The following METTL21C variants were observed in gnomAD, a reference collection of about 807,000 sequenced individuals.
METTL21C encodes the protein protein-lysine methyltransferase METTL21C.
Under a neutral mutation model 25.9 loss-of-function variants are expected in METTL21C, and 21 were observed. The ratio of observed to expected loss-of-function variants is 0.81; its 90% CI spans 0.58 to 1.17. The LOEUF (loss-of-function observed/expected upper bound fraction) is 1.17, where lower values mean the gene tolerates loss of function less well. METTL21C is among the 50% of genes most tolerant of loss of function. The pLI is 0.00. For missense variants in METTL21C, 312 were observed against 315.1 expected (o/e 0.99, Z 0.07); for synonymous variants, 125 against 124.7 (o/e 1.00, Z -0.01).
the METTL21C span, among the ~76,000 whole-genome samples, chr13:102,702,819 G>A: frequency 2.6e-5 from 4 of 152,092 alleles, no homozygotes; most frequent in East Asian, 1.9e-4. Context: ...TCGAACTCCT[G>A]ACCTCAGGTG....
intron 1 of METTL21C, among the ~76,000 whole-genome samples, chr13:102,693,759 T>G (rs1284187326): frequency 1.3e-5 from 2 of 152,244 alleles, no homozygotes; most frequent in Non-Finnish European, 1.5e-5. Flanking sequence ...AGATCAGATT[T>G]TCAGATAAGG....
rs537546333 is a variant in METTL21C at position 102,688,317 on chromosome 13, A to G, written c.283-1260T>C. ...GTTCATATTGAACTGCCACGGGCAA[A>G]GATGAATATGACGCAGTCACCTCTA... On this transcript the variant is annotated intron_variant, in intron 2 of 3. Coordinates refer to ENST00000267273, the MANE Select transcript of METTL21C (RefSeq NM_001010977.3). 3.9e-5 allele frequency among the ~76,000 whole-genome samples: 6 copies of G among 152,340 alleles called. No individual in the cohort carries two copies. In the South Asian group the frequency reaches 1.0e-3, roughly 26 times the overall value.
intron 2 of METTL21C, among the ~76,000 whole-genome samples, chr13:102,688,699 A>G (rs1320707294): frequency 6.6e-6 from 1 of 152,148 alleles, no homozygotes; most frequent in Non-Finnish European, 1.5e-5. Flanking sequence ...CAATGTCAGG[A>G]AAAGAGTGTC....
rs759769473 is a variant in METTL21C at position 102,686,978 on chromosome 13, G to T, written c.362C>A (p.Ala121Asp). The T allele has an allele frequency of 6.2e-7, 1 of 1,614,100 alleles. No homozygotes were observed. Among genetic ancestry groups the T allele is most frequent in the East Asian group, 2.2e-5 (1 of 44,882 alleles). Reference sequence around the variant, plus strand: ...CACAATGGAAACAAGGCCTGGTCCGGCACCAATTTCAAGTATTTTTGCATC... The same window carrying T: ...CACAATGGAAACAAGGCCTGGTCCGTCACCAATTTCAAGTATTTTTGCATC... ...FQDAKILEIG[A>D]GPGLVSIVAS... The change falls in exon 3 of 4, where the codon GCC becomes GAC. Residue 121 changes from alanine to aspartate, a missense_variant. Physicochemically the swap from Ala to Asp is moderately radical, Grantham distance 126. Coordinates refer to ENST00000267273, the MANE Select transcript of METTL21C (RefSeq NM_001010977.3).
upstream of METTL21C, among the ~76,000 whole-genome samples, chr13:102,696,634 G>A (rs931921262): frequency 9.2e-5 from 14 of 152,048 alleles, no homozygotes; most frequent in Non-Finnish European, 2.1e-4. Context: ...GCTAGACCAC[G>A]GTAGATCAAA....
Position 102,685,911 on chromosome 13 carries a change from G to A in METTL21C, c.*120C>T. On this transcript the variant is annotated 3_prime_UTR_variant, in exon 4 of 4. Coordinates refer to ENST00000267273, the MANE Select transcript of METTL21C (RefSeq NM_001010977.3). ...TGCAGTATTGTTACATTTGTTCCAA[G>A]TATACAAGTTGTTTCTATGCACTAC... is the stretch of plus-strand genomic sequence containing the variant. 1 of 922,934 alleles carries A rather than the reference G, an allele frequency of 1.1e-6. No homozygotes were observed. The allele number at this position is 922,934 out of a possible 1,614,324, so 57.2% of individuals were successfully genotyped here. A position where few individuals can be genotyped will look rare whatever the true frequency, so the allele number is the denominator to read the frequency against.
At chr13:102,687,558 A>G (rs1418784782) in intron 2 of METTL21C, among the ~76,000 whole-genome samples, 3 of 152,230 alleles carry the variant, frequency 2.0e-5, no homozygotes, top group Non-Finnish European at 4.4e-5. Context: ...TGCCGTATTG[A>G]GCGACGGGTT....
At position 102,686,241 on chromosome 13, in the gene METTL21C, C is replaced by T; in HGVS notation, c.585G>A (p.Val195=). The T allele has an allele frequency of 6.8e-6, 11 of 1,614,164 alleles. No homozygotes were observed. Among genetic ancestry groups the T allele is most frequent in the Non-Finnish European group, 9.3e-6 (11 of 1,180,028 alleles). Residue 195 remains valine, a synonymous_variant, in exon 4 of 4, where the codon GTG becomes GTA. Transcript: ENST00000267273. ...FYYDYVLASD[V]VYHHYFLDKL... ...TGTCCAGGAAGTAGTGATGGTAGAC[C>T]ACATCTGAGGCTAGGACGTAATCAT... is the stretch of plus-strand genomic sequence containing the variant.
the METTL21C span, among the ~76,000 whole-genome samples, chr13:102,700,495 G>A: frequency 1.3e-5 from 2 of 152,152 alleles, no homozygotes; most frequent in Non-Finnish European, 2.9e-5. Flanking sequence ...CAGGTTTCAT[G>A]TTATCAAAAT....
intron 2 of METTL21C, among the ~76,000 whole-genome samples, chr13:102,689,092 T>A (rs146420051): frequency 0.016 from 2,321 of 146,638 alleles, 21 homozygotes; most frequent in Non-Finnish European, 0.024. Context: ...ATCTTTTTTT[T>A]AAAATTATTA....
At chr13:102,696,889 A>C (rs536021878), upstream of METTL21C, among the ~76,000 whole-genome samples, 1 of 152,052 alleles carries the variant, frequency 6.6e-6, no homozygotes, top group East Asian at 1.9e-4. Flanking sequence ...CCACGGGAAG[A>C]CTCCAAAGGT....
In METTL21C at chr13:102,686,303, C is replaced by T. The variant is rs746760907; in HGVS notation, c.523G>A (p.Asp175Asn). The change falls in exon 4 of 4, where the codon GAC becomes AAC. Residue 175 changes from aspartate to asparagine, a missense_variant. By Grantham distance (23) the Asp-to-Asn change is conservative (BLOSUM62 1). Coordinates refer to ENST00000267273, the MANE Select transcript of METTL21C (RefSeq NM_001010977.3). ...PEVKELVWGE[D>N]LDKNFPKSAF... is the part of the protein sequence containing the mutation. ...GACTTGGGAAAGTTTTTGTCCAGGTCTTCCCCCCATACCAGTTCTTTCACT... is the reference window on the plus strand; with the variant it reads ...GACTTGGGAAAGTTTTTGTCCAGGTTTTCCCCCCATACCAGTTCTTTCACT... 6.2e-7 allele frequency: 1 copy of T among 1,614,230 alleles called. No homozygotes were observed. Among genetic ancestry groups the T allele is most frequent in the Non-Finnish European group, 8.5e-7 (1 of 1,180,036 alleles).
chr13:102,694,540 T>A lies in METTL21C; in HGVS notation c.-42A>T. On this transcript the variant is annotated 5_prime_UTR_variant, in exon 1 of 4. Coordinates refer to ENST00000267273, the MANE Select transcript of METTL21C (RefSeq NM_001010977.3). Reference sequence around the variant, plus strand: ...GACAGCTGTGCATTGAAAAGCAATCTACAAAAGAACGACTATAATCTACTG... The same window carrying A: ...GACAGCTGTGCATTGAAAAGCAATCAACAAAAGAACGACTATAATCTACTG... 1.2e-5 allele frequency: 1 copy of A among 80,958 alleles called. No individual in the cohort carries two copies. Among genetic ancestry groups the A allele is most frequent in the Non-Finnish European group, 1.4e-5 (1 of 71,750 alleles). The allele number at this position is 80,958 out of a possible 1,614,324, so 5.0% of individuals were successfully genotyped here.
At chr13:102,694,289 GT>G in intron 1 of METTL21C, 79 bp downstream of exon 1, 2 of 1,473,176 alleles carry the variant, frequency 1.4e-6, no homozygotes, top group Non-Finnish European at 9.3e-7. Flanking sequence ...GGAAATTCTT[GT>G]CACTGAAATT....
chr13:102,700,325 T>C, the METTL21C span, among the ~76,000 whole-genome samples: 22 of 152,312 alleles, frequency 1.4e-4, no homozygotes, highest in Admixed American at 1.2e-3. Context: ...GATAGACTTA[T>C]ATGCACTTTG....
Position 102,694,874 on chromosome 13 carries a change from T to TCC in METTL21C, c.-377_-376insGG, listed in dbSNP as rs1491184854. Among the ~76,000 whole-genome samples, 22 of 60,430 alleles carry TCC rather than the reference T, an allele frequency of 3.6e-4. No homozygotes were observed. Among genetic ancestry groups the TCC allele is most frequent in the Non-Finnish European group, 6.9e-4 (21 of 30,544 alleles). 39.6% of individuals were successfully genotyped at this position (60,430 alleles called of 152,430 possible). On this transcript the variant is annotated 5_prime_UTR_variant, in exon 1 of 4. Transcript: ENST00000267273. ...TTACTTTGCTAGAATTCTCTCTCTT[T>TCC]CTCTCTCTCTCTCTCTCTCTCTCTC... is the stretch of plus-strand genomic sequence containing the variant.
At chr13:102,700,936 CT>C in the METTL21C span, among the ~76,000 whole-genome samples, 201 of 152,002 alleles carry the variant, frequency 1.3e-3, 1 homozygote, top group African/African-American at 4.5e-3. Context: ...GGACATGACA[CT>C]TTTGAGAGGG....
At chr13:102,689,101 T>TATTA (rs1350228468) in intron 2 of METTL21C, among the ~76,000 whole-genome samples, 9 of 151,110 alleles carry the variant, frequency 6.0e-5, no homozygotes, top group Middle Eastern at 3.4e-3. Flanking sequence ...TTAAAATTAT[T>TATTA]ATTTTTAAAA....
At chr13:102,697,711 G>C (rs569124496), upstream of METTL21C, among the ~76,000 whole-genome samples, 8 of 150,524 alleles carry the variant, frequency 5.3e-5, no homozygotes, top group African/African-American at 2.4e-5. Context: ...CTGGTTTCTC[G>C]ATGAAGCAGA....
Sources: allele counts gnomAD v4.1 joint callset (sites outside exome capture counted in the v4.1 genomes callset), GRCh38; gene constraint gnomAD v4.1.1; transcripts MANE v1.5; gene names NCBI Gene and HGNC (gene_info 2026-07-23, HGNC 2026-07-21).